CASP10: variants seen among roughly 807,000 people sequenced by gnomAD.
The protein encoded by CASP10 is caspase-10.
A neutral mutation model predicts 48.5 loss-of-function variants in CASP10; 41 were observed. That is an observed-to-expected ratio of 0.85 (90% CI 0.66 to 1.10). CASP10 has a LOEUF of 1.10. CASP10 is among the 50% of genes least tolerant of loss of function. CASP10 has a pLI of 0.00. For missense variants in CASP10, 614 were observed against 614.5 expected (o/e 1.00, Z 0.01); for synonymous variants, 232 against 238.4 (o/e 0.97, Z 0.25).
At chr2:201,210,811 G>C (rs537511828) in intron 9 of CASP10, among the ~76,000 whole-genome samples, 3 of 152,236 alleles carry the variant, frequency 2.0e-5, no homozygotes, top group African/African-American at 7.2e-5. Context: ...TAAAAGTCCA[G>C]TGAAGGAAGG....
chr2:201,194,615 T>C (rs1394000977), intron 4 of CASP10, among the ~76,000 whole-genome samples: 1 of 152,224 alleles, frequency 6.6e-6, no homozygotes, highest in Non-Finnish European at 1.5e-5. Context: ...CTGAGTTTTT[T>C]TCTAAACACA....
chr2:201,203,308 CTTTT>C (rs34064194), intron 5 of CASP10, among the ~76,000 whole-genome samples: 4 of 133,978 alleles, frequency 3.0e-5, no homozygotes, highest in East Asian at 2.1e-4. Flanking sequence ...AATGAACTTT[CTTTT>C]TTTTTTTTTT....
At chr2:201,198,225 CTTTT>C (rs775115555) in intron 5 of CASP10, among the ~76,000 whole-genome samples, 2 of 138,756 alleles carry the variant, frequency 1.4e-5, no homozygotes, top group Admixed American at 7.3e-5. Flanking sequence ...ATTTTTAATT[CTTTT>C]TTTTTTTTTT....
chr2:201,208,858 C>T (rs1251656562), intron 8 of CASP10, among the ~76,000 whole-genome samples: 1 of 151,836 alleles, frequency 6.6e-6, no homozygotes, highest in Non-Finnish European at 1.5e-5. Flanking sequence ...TTTGTATTTT[C>T]AGTAGAGATG....
exon 10 of CASP10, chr2:201,229,140 A>G: frequency 6.2e-7 from 1 of 1,609,496 alleles, no homozygotes; most frequent in Non-Finnish European, 8.5e-7. Context: ...GAGATTGACA[A>G]CGCCCTACAG....
In CASP10 at chr2:201,218,005, C is replaced by T. The variant is rs1945628460; in HGVS notation, c.*264C>T. 4 of 953,574 alleles carry T rather than the reference C, an allele frequency of 4.2e-6. 1 individual carries two copies. The South Asian group carries it at 6.9e-5, about 16-fold the overall frequency. The allele number at this position is 953,574 out of a possible 1,614,324, so 59.1% of individuals were successfully genotyped here. On this transcript the variant is annotated 3_prime_UTR_variant, in exon 10 of 10. Coordinates refer to ENST00000286186, the MANE Select transcript of CASP10 (RefSeq NM_032977.4). ...CACGGCTCACTGTAGTCTCGACCTCCCAGGCTCAAGCTGTCCTCCCGCCTC... is the reference window on the plus strand; with the variant it reads ...CACGGCTCACTGTAGTCTCGACCTCTCAGGCTCAAGCTGTCCTCCCGCCTC...
chr2:201,208,280 T>C, intron 8 of CASP10, 97 bp downstream of exon 8: 1 of 1,485,114 alleles, frequency 6.7e-7, no homozygotes, highest in South Asian at 1.4e-5. Flanking sequence ...ATCTTCCATA[T>C]ACGTGTAAGG....
rs147814983 is a variant in CASP10 at position 201,209,494 on chromosome 2, T to C, written c.1347T>C (p.Phe449=). The C allele has an allele frequency of 1.8e-4, 292 of 1,613,742 alleles. 4 individuals are homozygous for C. In the Middle Eastern group the frequency reaches 0.014, roughly 76 times the overall value. Residue 449 remains phenylalanine (F), a synonymous_variant, in exon 9 of 10, where the codon TTT becomes TTC. Coordinates refer to ENST00000286186, the MANE Select transcript of CASP10 (RefSeq NM_032977.4). ...GLATVPGYVS[F]RHVEEGSWYI... Reference sequence around the variant, plus strand: ...CCACTGTCCCAGGCTATGTATCCTTTCGGCATGTGGAGGAAGGCAGCTGGT... The same window carrying C: ...CCACTGTCCCAGGCTATGTATCCTTCCGGCATGTGGAGGAAGGCAGCTGGT...
intron 1 of CASP10, among the ~76,000 whole-genome samples, chr2:201,184,902 G>C (rs1300541736): frequency 1.3e-5 from 2 of 152,066 alleles, no homozygotes; most frequent in African/African-American, 4.8e-5. Context: ...AGACAGAGCA[G>C]CCGACTCATG....
Position 201,220,754 on chromosome 2 carries a change from G to C in CASP10, c.*3013G>C. 1 of 985,262 alleles carries C rather than the reference G, an allele frequency of 1.0e-6. No homozygotes were observed. The highest frequency in any genetic ancestry group is 1.2e-6 in the Non-Finnish European group (1 of 829,914). The allele number at this position is 985,262 out of a possible 1,614,324, so 61.0% of individuals were successfully genotyped here. A position where few individuals can be genotyped will look rare whatever the true frequency, so the allele number is the denominator to read the frequency against. On this transcript the variant is annotated 3_prime_UTR_variant, in exon 10 of 10. Transcript: ENST00000286186. The stretch of plus-strand genomic sequence containing the variant: ...TTAATTCTTACACATGTGTCAGGAT[G>C]ATCTCCCAAAACCGTGTTCATAACA...
At chr2:201,190,099 T>C (rs1944556572) in intron 3 of CASP10, among the ~76,000 whole-genome samples, 1 of 152,188 alleles carries the variant, frequency 6.6e-6, no homozygotes, top group Non-Finnish European at 1.5e-5. Flanking sequence ...TGATGGCTTC[T>C]TTACTATCTG....
At chr2:201,194,561 A>G (rs1348763866) in intron 4 of CASP10, among the ~76,000 whole-genome samples, 1 of 152,262 alleles carries the variant, frequency 6.6e-6, no homozygotes, top group Non-Finnish European at 1.5e-5. Flanking sequence ...AATAAAAAGC[A>G]GAAGGTTGAT....
intron 7 of CASP10, among the ~76,000 whole-genome samples, chr2:201,207,437 A>C (rs562643553): frequency 6.6e-6 from 1 of 152,142 alleles, no homozygotes; most frequent in South Asian, 2.1e-4. Flanking sequence ...CCTGGCCAAC[A>C]TGGTGAAACT....
chr2:201,194,214 G>A (rs1944712478), intron 4 of CASP10, among the ~76,000 whole-genome samples: 2 of 152,048 alleles, frequency 1.3e-5, no homozygotes. Context: ...CTTACCACGT[G>A]TCAGTACGCT....
chr2:201,188,504 C>T (rs746014612), intron 3 of CASP10, among the ~76,000 whole-genome samples: 8 of 152,084 alleles, frequency 5.3e-5, no homozygotes, highest in Non-Finnish European at 1.0e-4. Context: ...CTTTCAAGTG[C>T]CTTTTAATCT....
exon 10 of CASP10, chr2:201,229,313 T>C (rs1482248457): frequency 1.7e-6 from 1 of 579,060 alleles, no homozygotes; most frequent in African/African-American, 1.9e-5. Flanking sequence ...ATTTTCTTTA[T>C]TTAGAAATAG....
intron 6 of CASP10, among the ~76,000 whole-genome samples, chr2:201,204,749 C>T (rs1945141878): frequency 6.6e-6 from 1 of 152,234 alleles, no homozygotes; most frequent in Non-Finnish European, 1.5e-5. Context: ...GTGACTGCTT[C>T]ACCCCTCTGA....
downstream of CASP10, among the ~76,000 whole-genome samples, chr2:201,225,016 CTT>C (rs146784030): frequency 1.6e-4 from 24 of 152,272 alleles, 1 homozygote; most frequent in East Asian, 4.6e-3. Context: ...ATCCAGTAAA[CTT>C]TGTCATTACT....
intron 9 of CASP10, among the ~76,000 whole-genome samples, chr2:201,216,824 ATG>A (rs1315575565): frequency 6.6e-6 from 1 of 152,176 alleles, no homozygotes; most frequent in Non-Finnish European, 1.5e-5. Flanking sequence ...TTAAAATTGA[ATG>A]TGTTTTCAGA....
Sources: gnomAD v4.1 joint callset for allele counts (sites outside exome capture counted in the v4.1 genomes callset) on GRCh38, gnomAD v4.1.1 for gene constraint, MANE v1.5 for transcripts, NCBI Gene and HGNC (gene_info 2026-07-23, HGNC 2026-07-21) for gene names.